TYW1B: variants seen among roughly 807,000 people sequenced by gnomAD.
The protein encoded by TYW1B is tRNA-yW synthesizing protein 1 homolog B.
In TYW1B, 73 loss-of-function variants were observed where a neutral mutation model predicts 86.9. The ratio of observed to expected loss-of-function variants is 0.84; its 90% CI spans 0.70 to 1.02. The LOEUF is 1.02. Ranked by LOEUF, TYW1B falls within the 50% of genes least tolerant of loss-of-function variation. The pLI is 0.00. For synonymous variants in TYW1B, 248 were observed against 292.8 expected, an observed-to-expected ratio of 0.85 and a Z score of 1.56; for missense variants, 637 against 827.4, an observed-to-expected ratio of 0.77 and a Z score of 2.82.
At position 72,616,924 on chromosome 7, in the gene TYW1B, A is replaced by G. The variant is rs1585850765; in HGVS notation, c.1618-85T>C. 3.8e-6 allele frequency: 6 copies of G among 1,558,828 alleles called. No individual in the cohort carries two copies. The East Asian group carries it at 1.4e-4, about 35-fold the overall frequency. ...CTTTCAGAGCCGGAAAGCCTTCTTG[A>G]GGTCAACCAATGCAATCCAGTCCGT... On this transcript the variant is annotated intron_variant, in intron 12 of 13. Coordinates refer to ENST00000620995, the MANE Select transcript of TYW1B (RefSeq NM_001145440.3).
intron 11 of TYW1B, among the ~76,000 whole-genome samples, chr7:72,686,547 T>C (rs1187088445): frequency 6.6e-6 from 1 of 151,986 alleles, no homozygotes; most frequent in Non-Finnish European, 1.5e-5. Flanking sequence ...TTGCCAGGGA[T>C]GAGGGAGGGA....
intron 7 of TYW1B, among the ~76,000 whole-genome samples, chr7:72,774,336 AT>A (rs1391730336): frequency 2.7e-4 from 1 of 3,696 alleles, no homozygotes; most frequent in South Asian, 4.9e-3. Flanking sequence ...AAAGTGAGAT[AT>A]AAAAGCTCAT....
At chr7:72,645,284 A>T (rs138684968) in intron 11 of TYW1B, among the ~76,000 whole-genome samples, 1,924 of 152,308 alleles carry the variant, frequency 0.013, 42 homozygotes, top group African/African-American at 0.041. Context: ...GAATACATTT[A>T]AAAATCCTAT....
At chr7:72,617,660 C>G (rs1554437171) in intron 12 of TYW1B, among the ~76,000 whole-genome samples, 1 of 152,216 alleles carries the variant, frequency 6.6e-6, no homozygotes, top group Non-Finnish European at 1.5e-5. Flanking sequence ...AGCCACTACA[C>G]CTGGCCTAAA....
At chr7:72,596,647 C>T (rs1811538857) in intron 13 of TYW1B, among the ~76,000 whole-genome samples, 1 of 152,002 alleles carries the variant, frequency 6.6e-6, no homozygotes, top group Admixed American at 6.6e-5. Flanking sequence ...GGATCAAAGA[C>T]CTAAACATAA....
chr7:72,664,712 T>G (rs1813420008), intron 11 of TYW1B, among the ~76,000 whole-genome samples: 1 of 152,072 alleles, frequency 6.6e-6, no homozygotes, highest in Non-Finnish European at 1.5e-5. Context: ...CACAAGTTTA[T>G]CTATGTAACC....
At chr7:72,663,480 C>T (rs1351885569) in intron 11 of TYW1B, among the ~76,000 whole-genome samples, 2 of 151,918 alleles carry the variant, frequency 1.3e-5, no homozygotes, top group Non-Finnish European at 2.9e-5. Context: ...TTTCAAAAGC[C>T]GGGCACGGTG....
chr7:72,800,707 CAAA>C (rs60686482), intron 6 of TYW1B, among the ~76,000 whole-genome samples: 17,367 of 127,914 alleles, frequency 0.14, 1,348 homozygotes, highest in African/African-American at 0.24. Flanking sequence ...CTCGAAAAGT[CAAA>C]AAAAAAAAAA....
At chr7:72,759,853 T>C (rs1270180627) in intron 7 of TYW1B, among the ~76,000 whole-genome samples, 2 of 152,170 alleles carry the variant, frequency 1.3e-5, no homozygotes, top group African/African-American at 4.8e-5. Context: ...TTTGCCTAAC[T>C]AGCAACTGTG....
intron 7 of TYW1B, among the ~76,000 whole-genome samples, chr7:72,755,618 C>T (rs185767006): frequency 6.6e-6 from 1 of 152,142 alleles, no homozygotes; most frequent in Non-Finnish European, 1.5e-5. Flanking sequence ...GAGCCGAGAT[C>T]GTGCCACTGC....
At position 72,721,522 on chromosome 7, in the gene TYW1B, T is replaced by C. The variant is rs569967360; in HGVS notation, c.1192+7300A>G. On this transcript the variant is annotated intron_variant, in intron 9 of 13. Transcript: ENST00000620995. ...CCTCTAAATTTCTAATGGAAAGGAT[T>C]CCTGGAGAAGAAAGAAAGAGTCCAC... 5.3e-5 allele frequency among the ~76,000 whole-genome samples: 8 copies of C among 152,176 alleles called. No homozygotes were observed. The South Asian group carries it at 1.7e-3, about 32-fold the overall frequency.
Position 72,723,247 on chromosome 7 carries a change from T to TA in TYW1B, c.1192+5574dup, listed in dbSNP as rs575504269. ...GTCCCCTGTCCCTGGGGTTATTTGT[T>TA]AAAAAAAGAGTAATAAAAGGATTTA... is the stretch of plus-strand genomic sequence containing the variant. On this transcript the variant is annotated intron_variant, in intron 9 of 13. Coordinates refer to ENST00000620995, the MANE Select transcript of TYW1B (RefSeq NM_001145440.3). 2.8e-4 allele frequency among the ~76,000 whole-genome samples: 42 copies of TA among 152,108 alleles called. 1 individual carries two copies. Among genetic ancestry groups the TA allele is most frequent in the South Asian group, 1.2e-3 (6 of 4,822 alleles).
chr7:72,678,719 T>C (rs1554447881), intron 11 of TYW1B, among the ~76,000 whole-genome samples: 1 of 151,754 alleles, frequency 6.6e-6, no homozygotes, highest in African/African-American at 2.4e-5. Flanking sequence ...TTTTTGTATT[T>C]TTAGTAGAGA....
chr7:72,676,300 C>T (rs1365445988), intron 11 of TYW1B, among the ~76,000 whole-genome samples: 2 of 152,190 alleles, frequency 1.3e-5, no homozygotes, highest in Non-Finnish European at 1.5e-5. Context: ...TAAGATGATA[C>T]GTACTCAGGA....
intron 7 of TYW1B, among the ~76,000 whole-genome samples, chr7:72,758,092 C>A (rs1243716207): frequency 6.6e-6 from 1 of 152,002 alleles, no homozygotes; most frequent in Non-Finnish European, 1.5e-5. Context: ...TGGTGGCGTG[C>A]GCCTGTAATC....
At chr7:72,729,992 A>G (rs3015860) in intron 8 of TYW1B, among the ~76,000 whole-genome samples, 105,669 of 151,994 alleles carry the variant, frequency 0.7, 37,599 homozygotes, top group Non-Finnish European at 0.77. Context: ...TCACATGTAC[A>G]CTACTATACT....
chr7:72,770,953 C>CTTTTTTTTTTTTT (rs202136569), intron 7 of TYW1B, among the ~76,000 whole-genome samples: 8 of 87,482 alleles, frequency 9.1e-5, no homozygotes, highest in African/African-American at 3.2e-4. Context: ...TATGAATTTC[C>CTTTTTTTTTTTTT]TTTTTTTTTT....
At chr7:72,628,680 G>A (rs1325423729) in intron 12 of TYW1B, among the ~76,000 whole-genome samples, 1 of 151,968 alleles carries the variant, frequency 6.6e-6, no homozygotes, top group Non-Finnish European at 1.5e-5. Context: ...AGCTTTATAA[G>A]AGCAAGAGCT....
intron 11 of TYW1B, among the ~76,000 whole-genome samples, chr7:72,642,222 T>C (rs1316262104): frequency 2.6e-5 from 4 of 152,140 alleles, no homozygotes; most frequent in African/African-American, 9.7e-5. Context: ...TCAAAACTGC[T>C]CAAAGAGCTA....
Sources: allele counts gnomAD v4.1 joint callset (sites outside exome capture counted in the v4.1 genomes callset), GRCh38; gene constraint gnomAD v4.1.1; transcripts MANE v1.5; gene names NCBI Gene and HGNC (gene_info 2026-07-23, HGNC 2026-07-21).